SFPQ: variants seen among roughly 807,000 people sequenced by gnomAD.
SFPQ encodes splicing factor proline and glutamine rich.
SFPQ carries 11 observed loss-of-function variants against 72.9 expected under a neutral mutation model. The observed-to-expected ratio is 0.15, with a 90% confidence interval of 0.09 to 0.25. The LOEUF is 0.25. Ranked by LOEUF, SFPQ falls within the 10% of genes least tolerant of loss-of-function variation. The pLI, the probability that SFPQ is intolerant of heterozygous loss-of-function variation, is 1.00. For synonymous variants in SFPQ, 506 were observed against 367.3 expected, an observed-to-expected ratio of 1.38 and a Z score of -4.32; for missense variants, 847 against 993.3, an observed-to-expected ratio of 0.85 and a Z score of 1.98.
chr1:35,192,166 G>C, intron 1 of SFPQ, 56 bp downstream of exon 1: 2 of 1,288,432 alleles, frequency 1.6e-6, no homozygotes, highest in Non-Finnish European at 2.0e-6. Flanking sequence ...GCGGGGGCGA[G>C]GAGGGGGCCG....
At chr1:35,190,164 G>A (rs1639926465) in intron 4 of SFPQ, among the ~76,000 whole-genome samples, 2 of 152,200 alleles carry the variant, frequency 1.3e-5, no homozygotes, top group South Asian at 2.1e-4. Context: ...GGAGGCTGAG[G>A]CAGGAGAATC....
Position 35,190,682 on chromosome 1 carries a change from A to G in SFPQ, c.1319+12T>C. On this transcript the variant is annotated intron_variant, in intron 3 of 9. Transcript: ENST00000357214. ...GTTGATAGAAATTATTAGAATAAAC[A>G]AGACAACTTACGTCGTCAGTAAGAA... 3.1e-6 allele frequency: 5 copies of G among 1,612,376 alleles called. No individual in the cohort carries two copies. The highest frequency in any genetic ancestry group is 4.2e-6 in the Non-Finnish European group (5 of 1,179,060).
chr1:35,189,334 G>A lies in SFPQ; in HGVS notation c.1464C>T (p.Tyr488=), dbSNP rs142934286. 2.2e-5 allele frequency: 35 copies of A among 1,613,672 alleles called. No homozygotes were observed. The highest frequency in any genetic ancestry group is 2.0e-4 in the African/African-American group (15 of 74,842). The change falls in exon 5 of 10, where the codon TAC becomes TAT. Residue 488 remains tyrosine (Y), a synonymous_variant. Coordinates refer to ENST00000357214, the MANE Select transcript of SFPQ (RefSeq NM_005066.3). ...AAGACTTCCATCGCTGAGAATATTC[G>A]TACTCAAACGTGCCATGCTGGGCAA... ...PRFAQHGTFE[Y]EYSQRWKSLD... is the part of the protein sequence containing the mutation.
chr1:35,192,305 G>T lies in SFPQ; in HGVS notation c.745C>A (p.Pro249Thr), dbSNP rs1187507678. 4 of 1,449,746 alleles carry T rather than the reference G, an allele frequency of 2.8e-6. No homozygotes were observed. The highest frequency in any genetic ancestry group is 3.6e-6 in the Non-Finnish European group (4 of 1,111,280). 89.8% of individuals were successfully genotyped at this position (1,449,746 alleles called of 1,614,324 possible). A position where few individuals can be genotyped will look rare whatever the true frequency, so the allele number is the denominator to read the frequency against. The change falls in exon 1 of 10, where the codon CCG (proline) becomes ACG (threonine). Residue 249 changes from proline (P) to threonine (T), a missense_variant. Pro to Thr is a conservative substitution (Grantham distance 38). Transcript: ENST00000357214. ...GEPRGGRQHH[P>T]PYHQQHHQGP... The stretch of plus-strand genomic sequence containing the variant: ...TGGTGATGCTGCTGGTGGTAGGGCG[G>T]GTGGTGCTGGCGGCCCCCGCGGGGC...
downstream of SFPQ, chr1:35,180,753 T>TA: frequency 1.9e-6 from 2 of 1,061,058 alleles, no homozygotes; most frequent in Non-Finnish European, 2.3e-6. Context: ...TAGAGACTAA[T>TA]TATCACATGC....
downstream of SFPQ, chr1:35,179,123 AACCAAATAAAGGCCCAG>A: frequency 9.4e-7 from 1 of 1,058,926 alleles, no homozygotes; most frequent in Non-Finnish European, 1.1e-6. Flanking sequence ...CTAAAGCCAA[AACCAAATAAAGGCCCAG>A]ACCAACATCC....
chr1:35,193,004 AGCCACCACC>A lies in SFPQ; in HGVS notation c.37_45del (p.Gly13_Gly15del). 2 of 1,551,938 alleles carry A rather than the reference AGCCACCACC, an allele frequency of 1.3e-6. No individual in the cohort carries two copies. Among genetic ancestry groups the A allele is most frequent in the African/African-American group, 2.7e-5 (2 of 73,036 alleles). ...CCGCCGCCTCCTCCACGCCTGTGGA[AGCCACCACC>A]GCCACCGCCACGACTCCGGAACCGA... On this transcript the variant is annotated inframe_deletion, in exon 1 of 10. Transcript: ENST00000357214.
At position 35,190,780 on chromosome 1, in the gene SFPQ, T is replaced by C. The variant is rs149880317; in HGVS notation, c.1233A>G (p.Thr411=). Residue 411 remains threonine (T), a synonymous_variant, in exon 3 of 10, where the codon ACA becomes ACG. Coordinates refer to ENST00000357214, the MANE Select transcript of SFPQ (RefSeq NM_005066.3). ...AAGCAAATTCAACAATGCCTTTCCC[T>C]GTAGATCTTCCACGATCATCCACTA... ...VVIVDDRGRS[T]GKGIVEFASK... 2.9e-3 allele frequency: 4,647 copies of C among 1,614,242 alleles called. 10 individuals carry two copies. The highest frequency in any genetic ancestry group is 5.6e-3 in the Admixed American group (335 of 60,028).
rs986579237 is a variant in SFPQ at position 35,183,565 on chromosome 1, C to G, written c.*891G>C. On this transcript the variant is annotated 3_prime_UTR_variant, in exon 10 of 10. Coordinates refer to ENST00000357214, the MANE Select transcript of SFPQ (RefSeq NM_005066.3). ...CAAGTTTTGTTTTTTAGACTACACCCCATCTTTATAAATCACTTGAATACA... is the reference window on the plus strand; with the variant it reads ...CAAGTTTTGTTTTTTAGACTACACCGCATCTTTATAAATCACTTGAATACA... 46 of 1,019,194 alleles carry G rather than the reference C, an allele frequency of 4.5e-5. No homozygotes were observed. Among genetic ancestry groups the G allele is most frequent in the Non-Finnish European group, 5.3e-5 (45 of 849,816 alleles). 63.1% of individuals were successfully genotyped at this position (1,019,194 alleles called of 1,614,324 possible).
chr1:35,192,953 A>T lies in SFPQ; in HGVS notation c.97T>A (p.Ser33Thr). 1.3e-6 allele frequency: 2 copies of T among 1,585,868 alleles called. No homozygotes were observed. Among genetic ancestry groups the T allele is most frequent in the Non-Finnish European group, 1.7e-6 (2 of 1,174,364 alleles). The change falls in exon 1 of 10, where the codon TCT (serine) becomes ACT (threonine). Residue 33 changes from serine to threonine, a missense_variant. Ser to Thr is a moderately conservative substitution (Grantham distance 58). Around this residue, in one of 6 missense-constraint regions of SFPQ, gnomAD observed 498 missense variants for 405.1 expected, o/e 1.23. Transcript: ENST00000357214. ...GGRGGLHDFR[S>T]PPPGMGLNQN... ...TTGAGGCCCATGCCGGGCGGCGGAG[A>T]ACGGAAGTCGTGGAGGCCGCCGCGG... is the stretch of plus-strand genomic sequence containing the variant.
At chr1:35,181,695 G>T (rs1639475134), downstream of SFPQ, 1 of 1,061,024 alleles carries the variant, frequency 9.4e-7, no homozygotes, top group Non-Finnish European at 1.1e-6. Flanking sequence ...ATGGGGACAA[G>T]TGGTTTCTTT....
chr1:35,180,727 G>T (rs1055773732), downstream of SFPQ: 18 of 1,059,542 alleles, frequency 1.7e-5, no homozygotes, highest in Non-Finnish European at 1.9e-5. Flanking sequence ...TCTATGGGCA[G>T]GTCAGTTTGC....
Position 35,184,294 on chromosome 1 carries a change from T to G in SFPQ, c.*162A>C. Reference sequence around the variant, plus strand: ...AATTCTCCTGTTCCAAACACTGCATTACATAATTTTACCTGCCCAAACAGA... The same window carrying G: ...AATTCTCCTGTTCCAAACACTGCATGACATAATTTTACCTGCCCAAACAGA... On this transcript the variant is annotated 3_prime_UTR_variant, in exon 10 of 10. Coordinates refer to ENST00000357214, the MANE Select transcript of SFPQ (RefSeq NM_005066.3). 7.0e-7 allele frequency: 1 copy of G among 1,428,820 alleles called. No individual in the cohort carries two copies. Among genetic ancestry groups the G allele is most frequent in the Non-Finnish European group, 9.1e-7 (1 of 1,099,990 alleles). The allele number at this position is 1,428,820 out of a possible 1,614,324, so 88.5% of individuals were successfully genotyped here.
In SFPQ at chr1:35,191,008, G is replaced by A. The variant is rs1639966898; in HGVS notation, c.1018-13C>T. On this transcript the variant is annotated splice_polypyrimidine_tract_variant and intron_variant, in intron 2 of 9. Transcript: ENST00000357214. Reference sequence around the variant, plus strand: ...AAGCTCTAGATTCCTGTGTATCAGAGACACTCATGTTAATGACCTCAAAAT... The same window carrying A: ...AAGCTCTAGATTCCTGTGTATCAGAAACACTCATGTTAATGACCTCAAAAT... 3.7e-6 allele frequency: 6 copies of A among 1,607,224 alleles called. No homozygotes were observed. The highest frequency in any genetic ancestry group is 4.5e-5 in the East Asian group (2 of 44,838).
chr1:35,192,819 T>G lies in SFPQ; in HGVS notation c.231A>C (p.Pro77=), dbSNP rs773688397. The part of the protein sequence containing the change: ...QQQQQPPPQQ[P]PPQQPPPHQP... ...GATGCGGTGGCGGCTGCTGCGGCGG[T>G]GGCTGCTGCGGTGGTGGCTGTTGCT... Residue 77 remains proline (P), a synonymous_variant, in exon 1 of 10, where the codon CCA becomes CCC. Coordinates refer to ENST00000357214, the MANE Select transcript of SFPQ (RefSeq NM_005066.3). 2 of 1,504,372 alleles carry G rather than the reference T, an allele frequency of 1.3e-6. No homozygotes were observed. The highest frequency in any genetic ancestry group is 1.8e-6 in the Non-Finnish European group (2 of 1,133,584). The allele number at this position is 1,504,372 out of a possible 1,614,324, so 93.2% of individuals were successfully genotyped here.
chr1:35,176,846 C>T (rs12067157), intron 5 of SFPQ, among the ~76,000 whole-genome samples: 9,838 of 149,486 alleles, frequency 0.066, 972 homozygotes, highest in African/African-American at 0.22. Context: ...ACTGCTCCAG[C>T]CTGGGCGACA....
At chr1:35,177,327 G>T (rs376349807) in exon 5 of SFPQ, 2 of 152,134 alleles carry the variant, frequency 1.3e-5, no homozygotes, top group African/African-American at 4.8e-5. Flanking sequence ...ACCTAGAAAC[G>T]TTGTCAGTCT....
intron 3 of SFPQ, 34 bp from the exon 4 acceptor site, chr1:35,190,627 T>G (rs375016632): frequency 6.2e-7 from 1 of 1,608,518 alleles, no homozygotes; most frequent in Non-Finnish European, 8.5e-7. Flanking sequence ...TTAGCTTTGT[T>G]CCAGTTTTAT....
Position 35,190,680 on chromosome 1 carries a change from A to G in SFPQ, c.1319+14T>C, listed in dbSNP as rs922973559. The G allele has an allele frequency of 6.2e-7, 1 of 1,612,298 alleles. No individual in the cohort carries two copies. Among genetic ancestry groups the G allele is most frequent in the Non-Finnish European group, 8.5e-7 (1 of 1,179,010 alleles). ...AAGTTGATAGAAATTATTAGAATAA[A>G]CAAGACAACTTACGTCGTCAGTAAG... On this transcript the variant is annotated intron_variant, in intron 3 of 9. Coordinates refer to ENST00000357214, the MANE Select transcript of SFPQ (RefSeq NM_005066.3).
Sources: allele counts gnomAD v4.1 joint callset (sites outside exome capture counted in the v4.1 genomes callset), GRCh38; gene constraint gnomAD v4.1.1; regional missense constraint gnomAD v4.1.1; transcripts MANE v1.5; gene names NCBI Gene and HGNC (gene_info 2026-07-23, HGNC 2026-07-21).